OR10J1: variants seen among roughly 807,000 people sequenced by gnomAD.
The protein encoded by OR10J1 is olfactory receptor 10J1.
For synonymous variants in OR10J1, 202 were observed against 143.8 expected, an observed-to-expected ratio of 1.40 and a Z score of -2.89; for missense variants, 474 against 376.6, an observed-to-expected ratio of 1.26 and a Z score of -2.14.
chr1:159,434,902 G>A (rs115267311), upstream of OR10J1, among the ~76,000 whole-genome samples: 763 of 152,264 alleles, frequency 5.0e-3, 11 homozygotes, highest in African/African-American at 0.017. Context: ...TATGGACACA[G>A]AGCCCTAGCT....
chr1:159,439,673 T>A (rs1484650182), upstream of OR10J1: 3 of 1,235,408 alleles, frequency 2.4e-6, no homozygotes, highest in African/African-American at 1.5e-5. Flanking sequence ...AGGAAATACA[T>A]CACCAGATTT....
chr1:159,398,718 G>C, the OR10J1 span, among the ~76,000 whole-genome samples: 1 of 151,582 alleles, frequency 6.6e-6, no homozygotes, highest in East Asian at 1.9e-4. Flanking sequence ...TGTCAGAGGA[G>C]ACAAAAGAAA....
the OR10J1 span, among the ~76,000 whole-genome samples, chr1:159,415,070 G>T: frequency 6.6e-6 from 1 of 151,970 alleles, no homozygotes; most frequent in East Asian, 1.9e-4. Flanking sequence ...AAGCTATTTA[G>T]TTTAATAGAG....
chr1:159,399,185 T>C, the OR10J1 span, among the ~76,000 whole-genome samples: 1 of 152,008 alleles, frequency 6.6e-6, no homozygotes, highest in African/African-American at 2.4e-5. Flanking sequence ...GAATAGTATA[T>C]CCAGCAAAAA....
At chr1:159,409,277 G>A in the OR10J1 span, among the ~76,000 whole-genome samples, 1 of 151,930 alleles carries the variant, frequency 6.6e-6, no homozygotes, top group African/African-American at 2.4e-5. Flanking sequence ...ATTTACCTGC[G>A]CTGCATGAAG....
the OR10J1 span, among the ~76,000 whole-genome samples, chr1:159,427,797 C>T: frequency 6.6e-6 from 1 of 151,928 alleles, no homozygotes; most frequent in Non-Finnish European, 1.5e-5. Context: ...TAATTATCGG[C>T]CAATAATGGA....
the OR10J1 span, among the ~76,000 whole-genome samples, chr1:159,431,180 G>A: frequency 2.0e-5 from 3 of 152,136 alleles, no homozygotes; most frequent in Non-Finnish European, 4.4e-5. Flanking sequence ...AAGTGGCTAC[G>A]CACCACAGAA....
the OR10J1 span, chr1:159,432,181 C>T: frequency 2.5e-6 from 1 of 400,500 alleles, no homozygotes; most frequent in Admixed American, 4.4e-5. Flanking sequence ...CACTTCATCT[C>T]TTTCAGACTC....
chr1:159,405,900 G>T, the OR10J1 span: 1 of 577,916 alleles, frequency 1.7e-6, no homozygotes, highest in East Asian at 3.5e-5. Context: ...ATGTTACTTG[G>T]ACAATAGCCA....
the OR10J1 span, among the ~76,000 whole-genome samples, chr1:159,412,366 C>T: frequency 1.4e-5 from 2 of 147,826 alleles, no homozygotes; most frequent in Non-Finnish European, 3.0e-5. Flanking sequence ...CCAAAAAGAG[C>T]CCGCATCGCC....
At chr1:159,433,808 T>C (rs1239516745), upstream of OR10J1, among the ~76,000 whole-genome samples, 1 of 152,178 alleles carries the variant, frequency 6.6e-6, no homozygotes, top group Admixed American at 6.5e-5. Context: ...TATTCAGACT[T>C]CACTGCGAGT....
At chr1:159,417,966 C>A in the OR10J1 span, among the ~76,000 whole-genome samples, 1 of 152,100 alleles carries the variant, frequency 6.6e-6, no homozygotes, top group African/African-American at 2.4e-5. Context: ...AGACTTGCAT[C>A]ATTATGCCCC....
the OR10J1 span, among the ~76,000 whole-genome samples, chr1:159,404,968 C>T: frequency 2.6e-5 from 4 of 152,026 alleles, no homozygotes; most frequent in Non-Finnish European, 5.9e-5. Context: ...AACGGTAATT[C>T]CCCGTTTTTA....
the OR10J1 span, among the ~76,000 whole-genome samples, chr1:159,398,486 G>C: frequency 6.6e-6 from 1 of 152,136 alleles, no homozygotes; most frequent in Non-Finnish European, 1.5e-5. Context: ...GATGTGTTGA[G>C]GAAACTCAAG....
At chr1:159,426,510 C>T in the OR10J1 span, among the ~76,000 whole-genome samples, 1 of 151,830 alleles carries the variant, frequency 6.6e-6, no homozygotes, top group Non-Finnish European at 1.5e-5. Context: ...GCCCTAACAA[C>T]TTAGTTTTAA....
chr1:159,426,506 A>T, the OR10J1 span, among the ~76,000 whole-genome samples: 1 of 151,934 alleles, frequency 6.6e-6, no homozygotes, highest in Non-Finnish European at 1.5e-5. Flanking sequence ...TAAGGCCCTA[A>T]CAACTTAGTT....
rs1418115296 is a variant in OR10J1 at position 159,439,860 on chromosome 1, G to T, written c.69G>T (p.Gln23His). 6.2e-7 allele frequency: 1 copy of T among 1,614,034 alleles called. No individual in the cohort carries two copies. Among genetic ancestry groups the T allele is most frequent in the African/African-American group, 1.3e-5 (1 of 74,912 alleles). The change falls in exon 1 of 1, where the codon CAG (glutamine) becomes CAT (histidine). Residue 23 changes from glutamine (Q) to histidine (H), a missense_variant. Transcript: ENST00000423932. ...VFQGFSSFHE[Q>H]QITLFGVFLA... ...AAGGTTTCTCTAGCTTCCATGAGCA[G>T]CAGATCACCCTTTTTGGCGTGTTCC...
upstream of OR10J1, among the ~76,000 whole-genome samples, chr1:159,433,779 C>T (rs1468491359): frequency 1.3e-5 from 2 of 152,128 alleles, no homozygotes; most frequent in South Asian, 2.1e-4. Flanking sequence ...CAAGGTGGTA[C>T]CTATGTCTAT....
At chr1:159,420,774 T>G in the OR10J1 span, among the ~76,000 whole-genome samples, 13 of 152,274 alleles carry the variant, frequency 8.5e-5, no homozygotes, top group East Asian at 2.1e-3. Flanking sequence ...GCTGTTAGTC[T>G]GATCAAAGTT....
Sources: gnomAD v4.1 joint callset for allele counts (sites outside exome capture counted in the v4.1 genomes callset) on GRCh38, gnomAD v4.1.1 for gene constraint, MANE v1.5 for transcripts, NCBI Gene and HGNC (gene_info 2026-07-23, HGNC 2026-07-21) for gene names.